The following IL6ST variants were observed in gnomAD, a reference collection of about 807,000 sequenced individuals.
IL6ST encodes interleukin 6 cytokine family signal transducer.
IL6ST carries 24 observed loss-of-function variants against 91.3 expected under a neutral mutation model. That is an observed-to-expected ratio of 0.26 (90% CI 0.19 to 0.37). The LOEUF is 0.37. Ranked by LOEUF, IL6ST falls within the 10% of genes least tolerant of loss-of-function variation. IL6ST has a pLI of 1.00. For synonymous variants in IL6ST, 351 were observed against 373.6 expected (o/e 0.94, Z 0.70); for missense variants, 914 against 1,078.5 (o/e 0.85, Z 2.14).
rs1752231932 is a variant in IL6ST, at chr5:55,960,270, A to C, written c.973+132T>G. 2.8e-5 allele frequency: 19 copies of C among 669,068 alleles called. No individual in the cohort carries two copies. In the South Asian group the frequency reaches 4.3e-4, roughly 15 times the overall value. The allele number at this position is 669,068 out of a possible 1,614,324, so 41.4% of individuals were successfully genotyped here. ...TACATCTTAATGTCCTTAAAAATTA[A>C]AACGTTAAAATACTGCAGTTTGAAT... On this transcript the variant is annotated intron_variant, in intron 8 of 16. Transcript: ENST00000381298.
chr5:55,974,801 T>C (rs1753177890), intron 3 of IL6ST, among the ~76,000 whole-genome samples: 1 of 152,002 alleles, frequency 6.6e-6, no homozygotes, highest in South Asian at 2.1e-4. Flanking sequence ...ATTAACTTCT[T>C]TAATCCTCAC....
intron 1 of IL6ST, among the ~76,000 whole-genome samples, chr5:55,989,701 GT>G (rs1754203340): frequency 6.6e-6 from 1 of 152,278 alleles, no homozygotes; most frequent in East Asian, 1.9e-4. Context: ...GAAGTCCAAA[GT>G]TTAGAGATGC....
chr5:55,938,673 G>C lies in IL6ST; in HGVS notation c.*2409C>G, dbSNP rs554497148. ...TTTACATAAATAACCAGATTTCTTT[G>C]CCTACCTAAAGTACAATTTACATGC... On this transcript the variant is annotated 3_prime_UTR_variant, in exon 17 of 17. Transcript: ENST00000381298. The C allele has an allele frequency of 1.5e-5, 3 of 196,950 alleles. No homozygotes were observed. In the East Asian group the frequency reaches 2.4e-4, roughly 16 times the overall value. 12.2% of individuals were successfully genotyped at this position (196,950 alleles called of 1,614,324 possible).
At chr5:55,953,372 T>C (rs1751760097) in intron 11 of IL6ST, among the ~76,000 whole-genome samples, 1 of 152,198 alleles carries the variant, frequency 6.6e-6, no homozygotes, top group Non-Finnish European at 1.5e-5. Flanking sequence ...CCAAACTTAA[T>C]GTCTCCACAA....
chr5:55,946,017 G>T lies in IL6ST; in HGVS notation c.1937+1476C>A, dbSNP rs571146850. On this transcript the variant is annotated intron_variant, in intron 15 of 16. Transcript: ENST00000381298. ...AAGTTTGCAAAACGTATTTAACAAT[G>T]TTGTAACCAGAACATATAAAGCACT... 5.7e-4 allele frequency among the ~76,000 whole-genome samples: 87 copies of T among 152,192 alleles called. 1 individual carries two copies. Among genetic ancestry groups the T allele is most frequent in the African/African-American group, 2.0e-3 (83 of 41,526 alleles).
chr5:55,942,602 T>C, intron 16 of IL6ST, 68 bp downstream of exon 16: 1 of 781,334 alleles, frequency 1.3e-6, no homozygotes, highest in Admixed American at 2.1e-5. Context: ...ACCTACTAAC[T>C]GTAGATACTC....
At chr5:55,988,364 C>T (rs896208144) in intron 1 of IL6ST, among the ~76,000 whole-genome samples, 1 of 151,734 alleles carries the variant, frequency 6.6e-6, no homozygotes, top group Non-Finnish European at 1.5e-5. Flanking sequence ...AATCACATGA[C>T]AAACTATTAG....
intron 14 of IL6ST, chr5:55,948,894 T>C (rs928365009): frequency 2.0e-5 from 3 of 152,158 alleles, no homozygotes; most frequent in African/African-American, 7.2e-5. Flanking sequence ...TTTTTCTGAT[T>C]TACTTATGCA....
At chr5:55,983,691 G>GA (rs1324638114) in intron 1 of IL6ST, among the ~76,000 whole-genome samples, 1 of 151,840 alleles carries the variant, frequency 6.6e-6, no homozygotes, top group Non-Finnish European at 1.5e-5. Context: ...AAAAGAAACT[G>GA]AAAAAATGCC....
rs58368867 is a variant in IL6ST, at chr5:55,940,137, A to ATGTGTG, written c.*944_*945insCACACA. On this transcript the variant is annotated 3_prime_UTR_variant, in exon 17 of 17. Coordinates refer to ENST00000381298, the MANE Select transcript of IL6ST (RefSeq NM_002184.4). ...AAAAGTCAATGATATGTGTGTGTAT[A>ATGTGTG]TATATATATATATATACACACATTA... 5,343 of 176,664 alleles carry ATGTGTG rather than the reference A, an allele frequency of 0.03. 302 individuals are homozygous for ATGTGTG. Among genetic ancestry groups the ATGTGTG allele is most frequent in the African/African-American group, 0.12 (4,926 of 40,648 alleles). The allele number at this position is 176,664 out of a possible 1,614,324, so 10.9% of individuals were successfully genotyped here. A position where few individuals can be genotyped will look rare whatever the true frequency, so the allele number is the denominator to read the frequency against.
At chr5:55,956,924 C>T (rs1289057476) in intron 9 of IL6ST, among the ~76,000 whole-genome samples, 1 of 152,056 alleles carries the variant, frequency 6.6e-6, no homozygotes, top group African/African-American at 2.4e-5. Context: ...CTTTGGGAGG[C>T]CGAGGCAGGC....
rs559664031 is a variant in IL6ST at position 55,993,423 on chromosome 5, G to C, written c.-104+1361C>G. ...ACACTGAACTGAAGTGCAAAGCCTT[G>C]GAAACAAATTTAAATAAATTGAAAA... On this transcript the variant is annotated intron_variant, in intron 1 of 16. Transcript: ENST00000381298. Among the ~76,000 whole-genome samples, 7 of 152,148 alleles carry C rather than the reference G, an allele frequency of 4.6e-5. No homozygotes were observed. In the East Asian group the frequency reaches 1.3e-3, roughly 29 times the overall value.
At chr5:55,965,111 G>A (rs994224240) in intron 5 of IL6ST, among the ~76,000 whole-genome samples, 2 of 152,108 alleles carry the variant, frequency 1.3e-5, no homozygotes, top group African/African-American at 4.8e-5. Flanking sequence ...TGTGTACTGA[G>A]TATGTAGTAT....
chr5:55,986,736 G>A (rs1440180954), intron 1 of IL6ST, among the ~76,000 whole-genome samples: 1 of 151,848 alleles, frequency 6.6e-6, no homozygotes, highest in African/African-American at 2.4e-5. Context: ...GTTGCTTTAG[G>A]TTTATAGTGT....
intron 4 of IL6ST, 135 bp downstream of exon 4, chr5:55,969,415 T>G: frequency 1.6e-6 from 1 of 610,012 alleles, no homozygotes; most frequent in Non-Finnish European, 2.8e-6. Context: ...CTTCTAAGCT[T>G]ATTTTTTAAA....
intron 16 of IL6ST, among the ~76,000 whole-genome samples, chr5:55,942,129 CAG>C (rs1216758579): frequency 6.6e-6 from 1 of 152,106 alleles, no homozygotes; most frequent in African/African-American, 2.4e-5. Flanking sequence ...ACCTGAATGA[CAG>C]AGATTTTGTA....
At chr5:55,977,011 A>C (rs1427492122) in intron 2 of IL6ST, among the ~76,000 whole-genome samples, 1 of 152,166 alleles carries the variant, frequency 6.6e-6, no homozygotes, top group East Asian at 1.9e-4. Flanking sequence ...CTTATACTCA[A>C]ATGTTCACAG....
At chr5:55,983,291 G>A (rs1319682471) in intron 1 of IL6ST, among the ~76,000 whole-genome samples, 1 of 152,124 alleles carries the variant, frequency 6.6e-6, no homozygotes, top group East Asian at 1.9e-4. Context: ...CAGCCCTAGT[G>A]CTATGATTTG....
intron 7 of IL6ST, 74 bp from the exon 8 acceptor site, chr5:55,960,635 CTT>C (rs879908312): frequency 1.6e-5 from 21 of 1,330,458 alleles, no homozygotes; most frequent in Admixed American, 2.4e-5. Context: ...AATTCAGAAA[CTT>C]TTTTTTTTGA....
Sources: gnomAD v4.1 joint callset for allele counts (sites outside exome capture counted in the v4.1 genomes callset) on GRCh38, gnomAD v4.1.1 for gene constraint, MANE v1.5 for transcripts, NCBI Gene and HGNC (gene_info 2026-07-23, HGNC 2026-07-21) for gene names.